Variants in SLCO3A1 observed in about 807,000 individuals in gnomAD.
SLCO3A1 encodes the protein solute carrier organic anion transporter family member 3A1, also known as PGE1 transporter.
SLCO3A1 carries 27 observed loss-of-function variants against 63.1 expected under a neutral mutation model. The observed-to-expected ratio is 0.43, with a 90% CI of 0.32 to 0.59. The LOEUF is 0.59. Among genes scored for constraint, SLCO3A1 ranks in the 20% least tolerant of loss-of-function variants. The pLI is 0.09. For missense variants in SLCO3A1, 773 were observed against 945.8 expected, an observed-to-expected ratio of 0.82 and a Z score of 2.40; for synonymous variants, 473 against 409.9, an observed-to-expected ratio of 1.15 and a Z score of -1.86.
intron 2 of SLCO3A1, among the ~76,000 whole-genome samples, chr15:91,975,756 C>T (rs1364193574): frequency 6.6e-6 from 1 of 152,212 alleles, no homozygotes; most frequent in Non-Finnish European, 1.5e-5. Flanking sequence ...TGAGATTGCC[C>T]CTTACAGCCA....
At chr15:91,901,119 A>G (rs79393714) in intron 1 of SLCO3A1, among the ~76,000 whole-genome samples, 1,860 of 151,254 alleles carry the variant, frequency 0.012, 37 homozygotes, top group African/African-American at 0.042. Flanking sequence ...ATATTTTCTC[A>G]TGTTTCATTT....
chr15:91,898,121 C>T (rs1898053909), intron 1 of SLCO3A1, among the ~76,000 whole-genome samples: 1 of 152,102 alleles, frequency 6.6e-6, no homozygotes, highest in African/African-American at 2.4e-5. Flanking sequence ...ATCTGGTGAC[C>T]ATCCATCATG....
rs1297147942 is a variant in SLCO3A1 at position 91,861,563 on chromosome 15, T to C, written c.180+7475T>C. On this transcript the variant is annotated intron_variant, in intron 1 of 9. Transcript: ENST00000318445. ...TGAACTTAGACAATAGTTGCACTTA[T>C]TCCTCCTAATCAACACACATTGAAA... 2.6e-5 allele frequency among the ~76,000 whole-genome samples: 4 copies of C among 152,306 alleles called. No individual in the cohort carries two copies. The South Asian group carries it at 8.3e-4, about 32-fold the overall frequency.
intron 2 of SLCO3A1, among the ~76,000 whole-genome samples, chr15:91,931,682 G>T (rs1404915919): frequency 6.6e-6 from 1 of 151,850 alleles, no homozygotes; most frequent in Non-Finnish European, 1.5e-5. Context: ...TATTGGTCAG[G>T]CTGGTCTCCA....
At chr15:92,024,904 T>C (rs1301674235) in intron 2 of SLCO3A1, among the ~76,000 whole-genome samples, 1 of 152,024 alleles carries the variant, frequency 6.6e-6, no homozygotes, top group Non-Finnish European at 1.5e-5. Context: ...TACCTACCCA[T>C]CCATCCTCCC....
intron 1 of SLCO3A1, among the ~76,000 whole-genome samples, chr15:91,861,731 C>T (rs552463661): frequency 2.0e-4 from 31 of 152,202 alleles, no homozygotes; most frequent in African/African-American, 7.5e-4. Context: ...TGAAATGATC[C>T]TCCCACCTCA....
chr15:92,004,387 A>C (rs2046290052), intron 2 of SLCO3A1, among the ~76,000 whole-genome samples: 1 of 152,262 alleles, frequency 6.6e-6, no homozygotes. Context: ...GCATCATAGC[A>C]CAGCATATGG....
chr15:92,157,622 A>G (rs993829147), intron 9 of SLCO3A1, among the ~76,000 whole-genome samples: 1 of 151,806 alleles, frequency 6.6e-6, no homozygotes, highest in Non-Finnish European at 1.5e-5. Flanking sequence ...TCCCGGGTAC[A>G]TGTACAGAAT....
At chr15:91,873,278 A>G (rs1334095793) in intron 1 of SLCO3A1, among the ~76,000 whole-genome samples, 2 of 152,224 alleles carry the variant, frequency 1.3e-5, no homozygotes, top group Non-Finnish European at 2.9e-5. Context: ...CTCGAAAACA[A>G]AAGTGAGTAC....
intron 2 of SLCO3A1, among the ~76,000 whole-genome samples, chr15:91,944,017 A>G (rs1458058745): frequency 1.3e-5 from 2 of 152,066 alleles, no homozygotes; most frequent in Admixed American, 6.5e-5. Context: ...GAAACTTTTG[A>G]GCGTGCCATT....
At chr15:91,957,155 ATATATTT>A in intron 2 of SLCO3A1, among the ~76,000 whole-genome samples, 1 of 44,162 alleles carries the variant, frequency 2.3e-5, no homozygotes, top group African/African-American at 1.9e-4. Flanking sequence ...TAATATATAT[ATATATTT>A]TTTTTTTTAG....
chr15:92,094,204 T>G (rs1462043417), intron 2 of SLCO3A1, among the ~76,000 whole-genome samples: 2 of 152,214 alleles, frequency 1.3e-5, no homozygotes, highest in Admixed American at 1.3e-4. Context: ...GAGCCTGCCA[T>G]TTTCTCAAGT....
chr15:92,027,925 C>T (rs1368186303), intron 2 of SLCO3A1, among the ~76,000 whole-genome samples: 2 of 152,166 alleles, frequency 1.3e-5, no homozygotes, highest in Admixed American at 6.5e-5. Context: ...AGCTTAGGAG[C>T]AGAGTTTGAG....
intron 2 of SLCO3A1, among the ~76,000 whole-genome samples, chr15:92,036,047 G>T (rs1481874549): frequency 1.3e-5 from 2 of 152,166 alleles, no homozygotes; most frequent in Non-Finnish European, 2.9e-5. Flanking sequence ...ACTGCCCAGG[G>T]CTTGGACCAG....
intron 2 of SLCO3A1, among the ~76,000 whole-genome samples, chr15:91,978,466 AC>A (rs1359856553): frequency 6.6e-6 from 1 of 152,144 alleles, no homozygotes; most frequent in East Asian, 1.9e-4. Context: ...CAAGCCACCA[AC>A]TCATCTAAGC....
At chr15:91,878,015 A>G (rs565831325) in intron 1 of SLCO3A1, among the ~76,000 whole-genome samples, 1 of 152,002 alleles carries the variant, frequency 6.6e-6, no homozygotes, top group Admixed American at 6.6e-5. Flanking sequence ...TGTGCTGACA[A>G]CATGAGGCAA....
chr15:92,156,135 C>A (rs1248329296), intron 9 of SLCO3A1, among the ~76,000 whole-genome samples: 1 of 152,172 alleles, frequency 6.6e-6, no homozygotes, highest in Non-Finnish European at 1.5e-5. Flanking sequence ...CATCGTCTTG[C>A]ATATGCCAAA....
chr15:91,904,206 C>T (rs1458976414), intron 1 of SLCO3A1, among the ~76,000 whole-genome samples: 1 of 152,186 alleles, frequency 6.6e-6, no homozygotes, highest in Non-Finnish European at 1.5e-5. Flanking sequence ...CTCTCTACTC[C>T]TGTGGTCAAT....
chr15:92,098,949 A>G (rs1344077543), intron 3 of SLCO3A1, among the ~76,000 whole-genome samples: 4 of 152,242 alleles, frequency 2.6e-5, no homozygotes, highest in African/African-American at 7.2e-5. Flanking sequence ...CTAGGGATAG[A>G]GCAGGGATTC....
Sources: allele counts gnomAD v4.1 joint callset (sites outside exome capture counted in the v4.1 genomes callset), GRCh38; gene constraint gnomAD v4.1.1; transcripts MANE v1.5; gene names NCBI Gene and HGNC (gene_info 2026-07-23, HGNC 2026-07-21).